GOLM1: variants seen among roughly 807,000 people sequenced by gnomAD.
GOLM1 encodes the protein golgi membrane protein 1, also known as epididymis luminal protein 46.
In GOLM1, 31 loss-of-function variants were observed where a neutral mutation model predicts 50.5. That is an observed-to-expected ratio of 0.61 (90% CI 0.46 to 0.83). The LOEUF (loss-of-function observed/expected upper bound fraction) is 0.83, where lower values mean the gene tolerates loss of function less well. Ranked by LOEUF, GOLM1 falls within the 40% of genes least tolerant of loss-of-function variation. GOLM1 has a pLI of 0.00. For missense variants in GOLM1, 491 were observed against 501.3 expected (o/e 0.98, Z 0.20); for synonymous variants, 178 against 192.8 (o/e 0.92, Z 0.64).
intron 2 of GOLM1, among the ~76,000 whole-genome samples, chr9:86,078,393 G>A (rs1370239696): frequency 6.6e-6 from 1 of 152,172 alleles, no homozygotes; most frequent in African/African-American, 2.4e-5. Context: ...AGCACAGTGC[G>A]GGGAGTCAGT....
At chr9:86,069,312 TTAATATCCTTTCTTATACA>T (rs1229873383) in intron 3 of GOLM1, among the ~76,000 whole-genome samples, 1 of 152,214 alleles carries the variant, frequency 6.6e-6, no homozygotes, top group African/African-American at 2.4e-5. Flanking sequence ...AAAAGGCGGC[TTAATATCCTTTCTTATACA>T]CAGAAAAGGA....
At chr9:86,098,920 C>G (rs1250756865) in intron 1 of GOLM1, among the ~76,000 whole-genome samples, 1 of 152,158 alleles carries the variant, frequency 6.6e-6, no homozygotes, top group African/African-American at 2.4e-5. Flanking sequence ...CCAGGGCGGC[C>G]GGAGCGCGCC....
rs983493824 is a variant in GOLM1, at chr9:86,035,393, C to T, written c.990G>A (p.Glu330=). ...RDQLVIPDGQ[E]EEQEAAGEGR... is the part of the protein sequence containing the mutation. Reference sequence around the variant, plus strand: ...CTTCCCCGGCAGCTTCCTGCTCCTCCTCCTGTCCGTCGGGGATGACAAGCT... The same window carrying T: ...CTTCCCCGGCAGCTTCCTGCTCCTCTTCCTGTCCGTCGGGGATGACAAGCT... Residue 330 remains glutamate, a synonymous_variant, in exon 8 of 10, where the codon GAG becomes GAA. Coordinates refer to ENST00000388712, the MANE Select transcript of GOLM1 (RefSeq NM_016548.4). 5.0e-6 allele frequency: 8 copies of T among 1,613,890 alleles called. No homozygotes were observed. Among genetic ancestry groups the T allele is most frequent in the African/African-American group, 2.7e-5 (2 of 74,906 alleles).
chr9:86,028,172 GTCT>G (rs1337393711), intron 9 of GOLM1, among the ~76,000 whole-genome samples: 1 of 152,158 alleles, frequency 6.6e-6, no homozygotes, highest in Non-Finnish European at 1.5e-5. Context: ...AAGGACTCCT[GTCT>G]TCTTGCCCAA....
intron 3 of GOLM1, among the ~76,000 whole-genome samples, chr9:86,053,589 C>CACACA (rs1833868678): frequency 0.018 from 29 of 1,656 alleles, no homozygotes; most frequent in Middle Eastern, 0.1. Context: ...CCACACACCA[C>CACACA]ACCACTCCAC....
At chr9:86,078,163 G>T (rs1020034129) in intron 2 of GOLM1, among the ~76,000 whole-genome samples, 3 of 152,194 alleles carry the variant, frequency 2.0e-5, no homozygotes, top group South Asian at 2.1e-4. Context: ...CAACCTCTTG[G>T]TGCCTCAGTC....
At chr9:86,098,812 C>G (rs901479397) in intron 1 of GOLM1, among the ~76,000 whole-genome samples, 1 of 152,218 alleles carries the variant, frequency 6.6e-6, no homozygotes, top group Non-Finnish European at 1.5e-5. Context: ...CGAGCATCCA[C>G]GAGAACGGGA....
chr9:86,026,961 C>A lies in GOLM1; in HGVS notation c.*856G>T. The A allele has an allele frequency of 1.0e-6, 1 of 985,400 alleles. No homozygotes were observed. Among genetic ancestry groups the A allele is most frequent in the Non-Finnish European group, 1.2e-6 (1 of 829,920 alleles). The allele number at this position is 985,400 out of a possible 1,614,324, so 61.0% of individuals were successfully genotyped here. On this transcript the variant is annotated 3_prime_UTR_variant, in exon 10 of 10. Transcript: ENST00000388712. ...AATAAAGTAGGCACAGATCTGTCCA[C>A]AACAAACTTGCCCTCTCATGCCTTG...
intron 8 of GOLM1, among the ~76,000 whole-genome samples, chr9:86,034,523 C>T (rs888522813): frequency 6.6e-5 from 10 of 152,106 alleles, no homozygotes; most frequent in Admixed American, 5.2e-4. Flanking sequence ...GAGATCTCCC[C>T]GCCTCACACA....
chr9:86,080,889 T>A, intron 1 of GOLM1, among the ~76,000 whole-genome samples: 1 of 152,232 alleles, frequency 6.6e-6, no homozygotes, highest in African/African-American at 2.4e-5. Flanking sequence ...CTTTTTAAAA[T>A]TTTTGTTTAT....
chr9:86,052,619 C>T (rs1833792314), intron 3 of GOLM1, 28 bp from the exon 4 acceptor site: 1 of 1,603,450 alleles, frequency 6.2e-7, no homozygotes, highest in South Asian at 1.1e-5. Flanking sequence ...TCGCATGAAA[C>T]ACCCAAACCA....
At chr9:86,056,168 C>T (rs1833980215) in intron 3 of GOLM1, among the ~76,000 whole-genome samples, 1 of 152,082 alleles carries the variant, frequency 6.6e-6, no homozygotes, top group African/African-American at 2.4e-5. Context: ...GTGCTTACAA[C>T]TATCTGAGGG....
chr9:86,082,625 G>A (rs35987349), intron 1 of GOLM1, among the ~76,000 whole-genome samples: 36,423 of 151,532 alleles, frequency 0.24, 7,414 homozygotes, highest in African/African-American at 0.53. Flanking sequence ...TATTTTTGTA[G>A]AGATGGGGTC....
chr9:86,034,226 G>A (rs1385634817), intron 8 of GOLM1, among the ~76,000 whole-genome samples: 1 of 152,172 alleles, frequency 6.6e-6, no homozygotes, highest in African/African-American at 2.4e-5. Context: ...GCCTCTCAAA[G>A]TGCTGGGATT....
intron 3 of GOLM1, among the ~76,000 whole-genome samples, chr9:86,063,148 G>A (rs562804362): frequency 8.7e-4 from 133 of 152,338 alleles, no homozygotes; most frequent in African/African-American, 3.0e-3. Context: ...ACCCAGGAGC[G>A]GGGGCTTGAA....
chr9:86,089,294 T>G (rs1335498825), intron 1 of GOLM1, among the ~76,000 whole-genome samples: 3 of 152,190 alleles, frequency 2.0e-5, no homozygotes, highest in Admixed American at 6.5e-5. Flanking sequence ...TGAATTTGAA[T>G]GTTGGCCTGT....
chr9:86,030,701 A>C (rs1300381419), intron 9 of GOLM1, among the ~76,000 whole-genome samples: 1 of 152,256 alleles, frequency 6.6e-6, no homozygotes, highest in Non-Finnish European at 1.5e-5. Flanking sequence ...ATTTCAACAA[A>C]GTCTACAGAT....
At chr9:86,095,634 C>T (rs1395822594) in intron 1 of GOLM1, among the ~76,000 whole-genome samples, 1 of 152,178 alleles carries the variant, frequency 6.6e-6, no homozygotes, top group African/African-American at 2.4e-5. Context: ...AAATTCTCCA[C>T]ATATTCCTGG....
intron 3 of GOLM1, among the ~76,000 whole-genome samples, chr9:86,071,410 A>G (rs1051916533): frequency 6.6e-6 from 1 of 151,994 alleles, no homozygotes; most frequent in African/African-American, 2.4e-5. Flanking sequence ...CAGGCATGGT[A>G]GCTCATGCCT....
Sources: allele counts gnomAD v4.1 joint callset (sites outside exome capture counted in the v4.1 genomes callset), GRCh38; gene constraint gnomAD v4.1.1; transcripts MANE v1.5; gene names NCBI Gene and HGNC (gene_info 2026-07-23, HGNC 2026-07-21).